Variants in PCDH9 observed in about 807,000 individuals in gnomAD.
PCDH9 encodes the protein protocadherin-9.
In PCDH9, 24 loss-of-function variants were observed where a neutral mutation model predicts 70.6. That is an observed-to-expected ratio of 0.34 (90% CI 0.25 to 0.48). The LOEUF (loss-of-function observed/expected upper bound fraction) is 0.48. Ranked by LOEUF, PCDH9 falls within the 20% of genes least tolerant of loss-of-function variation. PCDH9 has a pLI of 0.99. For synonymous variants in PCDH9, 562 were observed against 558.5 expected, an observed-to-expected ratio of 1.01 and a Z score of -0.09; for missense variants, 1,281 against 1,503.6, an observed-to-expected ratio of 0.85 and a Z score of 2.45.
At chr13:66,922,170 C>T (rs1169759087) in intron 2 of PCDH9, among the ~76,000 whole-genome samples, 1 of 151,186 alleles carries the variant, frequency 6.6e-6, no homozygotes, top group Non-Finnish European at 1.5e-5. Flanking sequence ...TTGTGATTGA[C>T]TGTGAATTGA....
At chr13:66,651,713 A>G (rs1240731970) in intron 3 of PCDH9, among the ~76,000 whole-genome samples, 1 of 152,086 alleles carries the variant, frequency 6.6e-6, no homozygotes, top group East Asian at 1.9e-4. Context: ...CATTAAAAAC[A>G]GAAAACTATA....
At chr13:66,557,816 A>G (rs1485330757) in intron 4 of PCDH9, among the ~76,000 whole-genome samples, 1 of 152,196 alleles carries the variant, frequency 6.6e-6, no homozygotes, top group Non-Finnish European at 1.5e-5. Context: ...ATAGGATTGT[A>G]TGCAAAGGTT....
chr13:66,459,849 G>C (rs1156921335), intron 4 of PCDH9, among the ~76,000 whole-genome samples: 1 of 151,922 alleles, frequency 6.6e-6, no homozygotes, highest in Non-Finnish European at 1.5e-5. Flanking sequence ...TGTTTATACA[G>C]ATTATGTAAA....
At chr13:66,773,123 T>G (rs570978785) in intron 3 of PCDH9, among the ~76,000 whole-genome samples, 1 of 152,310 alleles carries the variant, frequency 6.6e-6, no homozygotes, top group African/African-American at 2.4e-5. Flanking sequence ...CGGTGTGTCT[T>G]TCATGTATAA....
At chr13:66,385,936 C>A (rs945074463) in intron 4 of PCDH9, among the ~76,000 whole-genome samples, 1 of 149,484 alleles carries the variant, frequency 6.7e-6, no homozygotes, top group Non-Finnish European at 1.5e-5. Context: ...TTGTGTTTAA[C>A]GTAGCAAAAG....
At chr13:67,195,538 C>T (rs1386257555) in intron 2 of PCDH9, among the ~76,000 whole-genome samples, 1 of 152,108 alleles carries the variant, frequency 6.6e-6, no homozygotes, top group Non-Finnish European at 1.5e-5. Flanking sequence ...ATTCGTTACT[C>T]TTAAGACAAG....
chr13:66,606,479 T>C, intron 4 of PCDH9, among the ~76,000 whole-genome samples: 1 of 152,128 alleles, frequency 6.6e-6, no homozygotes. Flanking sequence ...TAAACCTGTA[T>C]GCTTCTACAG....
chr13:66,652,198 G>T (rs1371836626), intron 3 of PCDH9, among the ~76,000 whole-genome samples: 1 of 151,976 alleles, frequency 6.6e-6, no homozygotes, highest in Non-Finnish European at 1.5e-5. Context: ...ACACTGGAAA[G>T]GAAGAAGCCA....
intron 2 of PCDH9, among the ~76,000 whole-genome samples, chr13:67,069,792 A>C (rs1209488306): frequency 6.6e-6 from 1 of 152,192 alleles, no homozygotes; most frequent in Non-Finnish European, 1.5e-5. Flanking sequence ...AGATTTAAGC[A>C]GATTAATTGA....
intron 4 of PCDH9, among the ~76,000 whole-genome samples, chr13:66,413,911 C>CAT (rs1421889301): frequency 6.6e-6 from 1 of 152,048 alleles, no homozygotes; most frequent in African/African-American, 2.4e-5. Context: ...AGCAGCTTCA[C>CAT]ATGCTCAGTT....
Position 66,631,415 on chromosome 13 carries a change from C to T in PCDH9, c.3139-4G>A. ...GAAACGTAACACGGCGCTGCGACTA[C>T]AAAGAAGACCACAGGACATGCTGAT... On this transcript the variant is annotated splice_polypyrimidine_tract_variant and splice_region_variant and intron_variant, in intron 3 of 4. Transcript: ENST00000377865. 3 of 1,572,190 alleles carry T rather than the reference C, an allele frequency of 1.9e-6. No individual in the cohort carries two copies. The highest frequency in any genetic ancestry group is 2.6e-6 in the Non-Finnish European group (3 of 1,142,434).
chr13:66,794,183 G>A (rs966310236), intron 3 of PCDH9, among the ~76,000 whole-genome samples: 4 of 151,810 alleles, frequency 2.6e-5, no homozygotes, highest in Non-Finnish European at 5.9e-5. Context: ...AAAAAACGTA[G>A]ACTGTAATGT....
chr13:66,924,364 T>C (rs2082683958), intron 2 of PCDH9, among the ~76,000 whole-genome samples: 1 of 151,866 alleles, frequency 6.6e-6, no homozygotes, highest in African/African-American at 2.4e-5. Context: ...CCTACCACGT[T>C]ATTGTTTTCA....
chr13:66,851,843 G>A (rs1315438153), intron 3 of PCDH9, among the ~76,000 whole-genome samples: 1 of 152,146 alleles, frequency 6.6e-6, no homozygotes, highest in Non-Finnish European at 1.5e-5. Context: ...TTAAAAAACA[G>A]AAATTTAATT....
At chr13:66,894,402 A>C (rs2082143498) in intron 3 of PCDH9, among the ~76,000 whole-genome samples, 1 of 152,186 alleles carries the variant, frequency 6.6e-6, no homozygotes, top group Admixed American at 6.5e-5. Flanking sequence ...TATAAAATTG[A>C]AGTATAAGCT....
chr13:67,043,043 T>C (rs2085153562), intron 2 of PCDH9, among the ~76,000 whole-genome samples: 1 of 152,200 alleles, frequency 6.6e-6, no homozygotes, highest in Admixed American at 6.5e-5. Context: ...TTTACAAGTT[T>C]AGTATAATTG....
At chr13:66,637,602 G>A (rs1022572958) in intron 3 of PCDH9, among the ~76,000 whole-genome samples, 5 of 152,040 alleles carry the variant, frequency 3.3e-5, no homozygotes, top group African/African-American at 1.2e-4. Context: ...CCTTTTTTGA[G>A]TGGGAAATTG....
intron 3 of PCDH9, among the ~76,000 whole-genome samples, chr13:66,700,407 A>T (rs557598719): frequency 4.7e-4 from 71 of 152,294 alleles, no homozygotes; most frequent in African/African-American, 1.7e-3. Context: ...TGTGATTAAA[A>T]CTAATATGAG....
chr13:67,207,544 C>A (rs1170811822), intron 2 of PCDH9: 1 of 152,098 alleles, frequency 6.6e-6, no homozygotes. Context: ...TTATCATTAG[C>A]TGGTGTTTGA....
Sources: allele counts gnomAD v4.1 joint callset (sites outside exome capture counted in the v4.1 genomes callset), GRCh38; gene constraint gnomAD v4.1.1; transcripts MANE v1.5; gene names NCBI Gene and HGNC (gene_info 2026-07-23, HGNC 2026-07-21).